The following DDX19A variants were observed in gnomAD, a reference collection of about 807,000 sequenced individuals.
DDX19A encodes ATP-dependent RNA helicase DDX19A.
Under a neutral mutation model 60.6 loss-of-function variants are expected in DDX19A, and 12 were observed. The ratio of observed to expected loss-of-function variants is 0.20; its 90% CI spans 0.13 to 0.32. DDX19A has a LOEUF of 0.32. Among genes scored for constraint, DDX19A ranks in the 10% least tolerant of loss-of-function variants. The pLI, the probability that DDX19A is intolerant of heterozygous loss-of-function variation, is 1.00. For missense variants in DDX19A, 337 were observed against 600.6 expected, an observed-to-expected ratio of 0.56 and a Z score of 4.59; for synonymous variants, 206 against 218.2, an observed-to-expected ratio of 0.94 and a Z score of 0.49.
chr16:70,347,567 T>C (rs530143645), intron 1 of DDX19A, among the ~76,000 whole-genome samples: 3 of 152,358 alleles, frequency 2.0e-5, no homozygotes, highest in South Asian at 4.1e-4. Flanking sequence ...GTACTTGTTC[T>C]TTCAGTAATG....
chr16:70,368,695 T>C (rs1210891938), intron 9 of DDX19A, among the ~76,000 whole-genome samples: 1 of 151,840 alleles, frequency 6.6e-6, no homozygotes, highest in Non-Finnish European at 1.5e-5. Context: ...TCCAGGCACA[T>C]GGCACTGTGC....
intron 4 of DDX19A, among the ~76,000 whole-genome samples, chr16:70,357,223 C>T (rs938147479): frequency 2.7e-5 from 4 of 145,986 alleles, no homozygotes; most frequent in African/African-American, 1.0e-4. Flanking sequence ...CGTGCCACTG[C>T]ACTCCAGCCT....
chr16:70,367,165 A>G (rs1964543383), intron 9 of DDX19A, among the ~76,000 whole-genome samples: 1 of 152,212 alleles, frequency 6.6e-6, no homozygotes. Flanking sequence ...ACGGTGGCTC[A>G]TGCCTGTAAT....
At position 70,359,027 on chromosome 16, in the gene DDX19A, T is replaced by C. The variant is rs79782928; in HGVS notation, c.294-2391T>C. ...ACTGCCTTTTTAAATTTCTTCCCTT[T>C]AGAAGACGTGAGCTCTCAGTTTAAC... On this transcript the variant is annotated intron_variant, in intron 4 of 11. Coordinates refer to ENST00000302243, the MANE Select transcript of DDX19A (RefSeq NM_018332.5). Among the ~76,000 whole-genome samples, 18 of 152,304 alleles carry C rather than the reference T, an allele frequency of 1.2e-4. No homozygotes were observed. The East Asian group carries it at 3.5e-3, about 29-fold the overall frequency.
chr16:70,366,406 C>A, intron 8 of DDX19A, 144 bp downstream of exon 8: 1 of 1,331,466 alleles, frequency 7.5e-7, no homozygotes, highest in Non-Finnish European at 1.0e-6. Context: ...ATTTCCATGT[C>A]AGCGCTGATC....
chr16:70,357,369 T>TG (rs1308827876), intron 4 of DDX19A, among the ~76,000 whole-genome samples: 34 of 28,898 alleles, frequency 1.2e-3, no homozygotes, highest in South Asian at 3.6e-3. Flanking sequence ...TTGGTTTGTT[T>TG]TTTTTTTTTT....
At chr16:70,364,441 G>T (rs1053673115) in intron 5 of DDX19A, 102 bp from the exon 6 acceptor site, 2 of 866,662 alleles carry the variant, frequency 2.3e-6, no homozygotes, top group Admixed American at 2.1e-5. Context: ...GTAATATAGA[G>T]AAGCACGAAG....
intron 1 of DDX19A, chr16:70,347,359 C>T: frequency 2.3e-6 from 1 of 429,842 alleles, no homozygotes; most frequent in South Asian, 2.8e-5. Context: ...TTCTCTTTTT[C>T]ATTACGCGAC....
intron 4 of DDX19A, among the ~76,000 whole-genome samples, chr16:70,357,362 GTT>G (rs1248365917): frequency 2.0e-5 from 1 of 48,876 alleles, no homozygotes; most frequent in African/African-American, 8.0e-5. Flanking sequence ...TCTGTTTTTG[GTT>G]TGTTTTTTTT....
Position 70,346,937 on chromosome 16 carries a change from G to T in DDX19A, c.-55G>T. On this transcript the variant is annotated 5_prime_UTR_variant, in exon 1 of 12. Coordinates refer to ENST00000302243, the MANE Select transcript of DDX19A (RefSeq NM_018332.5). ...CGCCGGTGGCGAGGTTAGGGCCCGC[G>T]TTGCGACGTGGTGCAGCGCATATTT... The T allele has an allele frequency of 1.3e-6, 2 of 1,567,164 alleles. No individual in the cohort carries two copies. The highest frequency in any genetic ancestry group is 1.7e-6 in the Non-Finnish European group (2 of 1,151,668).
At chr16:70,351,330 C>T (rs1964010638) in intron 2 of DDX19A, among the ~76,000 whole-genome samples, 1 of 151,912 alleles carries the variant, frequency 6.6e-6, no homozygotes, top group Non-Finnish European at 1.5e-5. Flanking sequence ...CTCAGCCTCC[C>T]AGGTAGCTGA....
chr16:70,356,726 AT>A (rs1030621112), intron 4 of DDX19A: 2 of 308,668 alleles, frequency 6.5e-6, no homozygotes, highest in African/African-American at 4.4e-5. Context: ...GTATGAAAAA[AT>A]TTGCAGTATT....
chr16:70,347,204 A>G (rs894867355), intron 1 of DDX19A, 156 bp downstream of exon 1: 1 of 712,654 alleles, frequency 1.4e-6, no homozygotes, highest in African/African-American at 1.8e-5. Context: ...TCTTAGAGCT[A>G]AAGAGACCAA....
At chr16:70,357,470 C>T (rs555747207) in intron 4 of DDX19A, among the ~76,000 whole-genome samples, 97 of 137,066 alleles carry the variant, frequency 7.1e-4, no homozygotes, top group African/African-American at 2.5e-3. Context: ...CCACAACCTC[C>T]ACCTCCCAGG....
intron 10 of DDX19A, 175 bp downstream of exon 10, chr16:70,370,560 A>G: frequency 9.1e-7 from 1 of 1,096,594 alleles, no homozygotes. Context: ...GTAAGAACTC[A>G]CACATGCCAG....
chr16:70,362,541 T>C (rs1203913989), intron 5 of DDX19A, among the ~76,000 whole-genome samples: 3 of 152,062 alleles, frequency 2.0e-5, no homozygotes, highest in African/African-American at 7.2e-5. Flanking sequence ...TTGAAGCCCC[T>C]GAATTCCCCT....
chr16:70,357,366 G>GTGTTTTTTTTTTTT (rs1964236746), intron 4 of DDX19A, among the ~76,000 whole-genome samples: 1 of 44,596 alleles, frequency 2.2e-5, no homozygotes, highest in African/African-American at 8.9e-5. Flanking sequence ...TTTTTGGTTT[G>GTGTTTTTTTTTTTT]TTTTTTTTTT....
intron 9 of DDX19A, among the ~76,000 whole-genome samples, chr16:70,369,927 G>A (rs192694603): frequency 1.1e-4 from 17 of 152,140 alleles, no homozygotes; most frequent in African/African-American, 2.2e-4. Context: ...AAATATTTTC[G>A]TAAGATTACA....
At chr16:70,370,633 T>C in intron 10 of DDX19A, 1 of 479,784 alleles carries the variant, frequency 2.1e-6, no homozygotes, top group Non-Finnish European at 3.5e-6. Context: ...GAGACAGAGG[T>C]TGCAGTGAGC....
Sources: gnomAD v4.1 joint callset for allele counts (sites outside exome capture counted in the v4.1 genomes callset) on GRCh38, gnomAD v4.1.1 for gene constraint, MANE v1.5 for transcripts, NCBI Gene and HGNC (gene_info 2026-07-23, HGNC 2026-07-21) for gene names.